The following MYO1E variants were observed in gnomAD, a reference collection of about 807,000 sequenced individuals.
MYO1E encodes myosin IE.
MYO1E carries 68 observed loss-of-function variants against 151.1 expected under a neutral mutation model. That is an observed-to-expected ratio of 0.45 (90% CI 0.37 to 0.55). MYO1E has a LOEUF of 0.55. Ranked by LOEUF, MYO1E falls within the 20% of genes least tolerant of loss-of-function variation. The probability of loss-of-function intolerance (pLI) is 0.00; values close to 1 mark genes in which losing one functional copy is unlikely to be tolerated. For synonymous variants in MYO1E, 601 were observed against 501.7 expected (o/e 1.20, Z -2.64); for missense variants, 1,363 against 1,389.3 (o/e 0.98, Z 0.30).
At chr15:59,222,972 T>G in intron 9 of MYO1E, 87 bp downstream of exon 9, 440 of 1,562,166 alleles carry the variant, frequency 2.8e-4, no homozygotes, top group Non-Finnish European at 3.5e-4. Context: ...TATTCCCATT[T>G]GAGATCTAAG....
chr15:59,182,402 G>A (rs1468684388), intron 18 of MYO1E, among the ~76,000 whole-genome samples: 13 of 152,006 alleles, frequency 8.6e-5, no homozygotes, highest in African/African-American at 2.4e-4. Flanking sequence ...TAGTAGAGGC[G>A]GGGTTTCACC....
intron 4 of MYO1E, among the ~76,000 whole-genome samples, chr15:59,244,694 T>A (rs1295597462): frequency 1.3e-5 from 2 of 152,194 alleles, no homozygotes; most frequent in Non-Finnish European, 2.9e-5. Context: ...CTTTGTCACA[T>A]TTCAAATGCA....
intron 2 of MYO1E, among the ~76,000 whole-genome samples, chr15:59,262,214 A>T (rs1566995275): frequency 6.6e-6 from 1 of 151,352 alleles, no homozygotes; most frequent in East Asian, 2.0e-4. Flanking sequence ...TCTCCAAAAA[A>T]AAAATAAAAA....
At chr15:59,260,544 G>A (rs2080218877) in intron 3 of MYO1E, among the ~76,000 whole-genome samples, 1 of 152,218 alleles carries the variant, frequency 6.6e-6, no homozygotes, top group Admixed American at 6.5e-5. Context: ...AAAAGATGCA[G>A]AGATGGGGAG....
chr15:59,365,500 A>C (rs1447052456), intron 1 of MYO1E, among the ~76,000 whole-genome samples: 1 of 152,146 alleles, frequency 6.6e-6, no homozygotes, highest in Non-Finnish European at 1.5e-5. Context: ...TTAGATCTGC[A>C]CTGGATCAGA....
intron 18 of MYO1E, among the ~76,000 whole-genome samples, chr15:59,181,877 G>A (rs1436519459): frequency 6.6e-6 from 1 of 152,184 alleles, no homozygotes; most frequent in Non-Finnish European, 1.5e-5. Flanking sequence ...TGGACACCTA[G>A]AGAGCAATTT....
At chr15:59,358,345 G>A (rs535911050) in intron 1 of MYO1E, among the ~76,000 whole-genome samples, 1 of 152,292 alleles carries the variant, frequency 6.6e-6, no homozygotes, top group South Asian at 2.1e-4. Context: ...CTCAGCAGGT[G>A]CAAACTATGT....
At chr15:59,296,814 A>G (rs1241020515) in intron 1 of MYO1E, among the ~76,000 whole-genome samples, 2 of 150,646 alleles carry the variant, frequency 1.3e-5, no homozygotes, top group Admixed American at 6.6e-5. Flanking sequence ...TTACACAAAT[A>G]TACAAAGAAT....
rs764592645 is a variant in MYO1E, at chr15:59,214,636, T to C, written c.1188+4A>G. 1.2e-6 allele frequency: 2 copies of C among 1,606,142 alleles called. No individual in the cohort carries two copies. The highest frequency in any genetic ancestry group is 2.7e-5 in the African/African-American group (2 of 74,712). On this transcript the variant is annotated splice_donor_region_variant and intron_variant, in intron 11 of 27. Transcript: ENST00000288235. Reference sequence around the variant, plus strand: ...CAACCCCTAGTTATTAAAACTGGCCTTACCTGGAATATTTCAAAGCCATAG... The same window carrying C: ...CAACCCCTAGTTATTAAAACTGGCCCTACCTGGAATATTTCAAAGCCATAG...
At chr15:59,180,866 C>T (rs2079654381) in intron 18 of MYO1E, among the ~76,000 whole-genome samples, 3 of 152,346 alleles carry the variant, frequency 2.0e-5, no homozygotes, top group East Asian at 1.9e-4. Context: ...GCAATAATAG[C>T]TTACATTCCT....
chr15:59,265,734 T>C (rs143324220), intron 2 of MYO1E, among the ~76,000 whole-genome samples: 1,719 of 150,548 alleles, frequency 0.011, 30 homozygotes, highest in African/African-American at 0.039. Context: ...AGTGGGATGA[T>C]TGCTTGAGTC....
chr15:59,347,167 G>A (rs2080798901), intron 1 of MYO1E, among the ~76,000 whole-genome samples: 1 of 152,318 alleles, frequency 6.6e-6, no homozygotes, highest in South Asian at 2.1e-4. Context: ...TGGTGAGCAA[G>A]CATTACCGCC....
rs756690637 is a variant in MYO1E at position 59,208,729 on chromosome 15, G to A, written c.1482C>T (p.His494=). Residue 494 remains histidine (H), a synonymous_variant, in exon 14 of 28, where the codon CAC becomes CAT. Transcript: ENST00000288235. ...KLQMQIGSHE[H]FNSWNQGFII... is the part of the protein sequence containing the mutation. ...TGAAGCCTTGGTTCCAACTGTTGAA[G>A]TGCTCATGACTCCCAATCTGCATCT... is the stretch of plus-strand genomic sequence containing the variant. 16 of 1,614,088 alleles carry A rather than the reference G, an allele frequency of 9.9e-6. No homozygotes were observed. Among genetic ancestry groups the A allele is most frequent in the Non-Finnish European group, 8.5e-7 (1 of 1,180,044 alleles).
chr15:59,164,528 T>C (rs2079553965), intron 22 of MYO1E, among the ~76,000 whole-genome samples: 1 of 152,240 alleles, frequency 6.6e-6, no homozygotes, highest in Non-Finnish European at 1.5e-5. Context: ...GTGGGATTAC[T>C]GTGGCTGTGA....
At chr15:59,180,490 A>G (rs1859970241) in intron 18 of MYO1E, among the ~76,000 whole-genome samples, 1 of 151,950 alleles carries the variant, frequency 6.6e-6, no homozygotes, top group Admixed American at 6.6e-5. Flanking sequence ...GCAACTGGAA[A>G]TGGGTCTTTA....
intron 4 of MYO1E, among the ~76,000 whole-genome samples, chr15:59,236,886 G>A (rs2140358314): frequency 6.6e-6 from 1 of 152,312 alleles, no homozygotes; most frequent in South Asian, 2.1e-4. Flanking sequence ...GATTAACATG[G>A]TGTGGATAAT....
At chr15:59,300,549 A>C (rs2080475989) in intron 1 of MYO1E, among the ~76,000 whole-genome samples, 1 of 152,176 alleles carries the variant, frequency 6.6e-6, no homozygotes, top group Non-Finnish European at 1.5e-5. Flanking sequence ...AGAGGAAGTG[A>C]GTCTACCCAT....
chr15:59,357,172 C>A (rs1415863059), intron 1 of MYO1E, among the ~76,000 whole-genome samples: 1 of 151,984 alleles, frequency 6.6e-6, no homozygotes, highest in Non-Finnish European at 1.5e-5. Context: ...TCTCAAAGTG[C>A]TGGGATTACA....
chr15:59,187,242 A>G (rs2079704103), intron 18 of MYO1E, among the ~76,000 whole-genome samples: 1 of 152,252 alleles, frequency 6.6e-6, no homozygotes, highest in Non-Finnish European at 1.5e-5. Context: ...TTACAATGCA[A>G]TGATAAAAAG....
Sources: allele counts gnomAD v4.1 joint callset (sites outside exome capture counted in the v4.1 genomes callset), GRCh38; gene constraint gnomAD v4.1.1; transcripts MANE v1.5; gene names NCBI Gene and HGNC (gene_info 2026-07-23, HGNC 2026-07-21).